Variants in ZNF487 observed in about 807,000 individuals in gnomAD.
ZNF487 encodes the protein KRAB domain only 1.
Under a neutral mutation model 3.0 loss-of-function variants are expected in ZNF487, and 4 were observed. The ratio of observed to expected loss-of-function variants is 1.35; its 90% CI spans 0.66 to 3.08. The LOEUF (loss-of-function observed/expected upper bound fraction) is 3.08. Ranked by LOEUF, ZNF487 falls within the 30% of genes most tolerant of loss-of-function variation. The probability of loss-of-function intolerance (pLI) is 0.01; values close to 1 mark genes in which losing one functional copy is unlikely to be tolerated. For synonymous variants in ZNF487, 55 were observed against 34.6 expected, an observed-to-expected ratio of 1.59 and a Z score of -2.06; for missense variants, 146 against 98.7, an observed-to-expected ratio of 1.48 and a Z score of -2.03.
intron 3 of ZNF487, among the ~76,000 whole-genome samples, chr10:43,477,493 C>T (rs902659442): frequency 3.3e-5 from 5 of 151,918 alleles, no homozygotes; most frequent in African/African-American, 1.2e-4. Flanking sequence ...CTGCGCCTGG[C>T]TTCTAAATTC....
intron 1 of ZNF487, among the ~76,000 whole-genome samples, chr10:43,444,145 G>T (rs1035726270): frequency 6.6e-6 from 1 of 152,098 alleles, no homozygotes; most frequent in African/African-American, 2.4e-5. Context: ...GAGCCACCGC[G>T]CCCGGCTCCT....
chr10:43,521,324 C>A, the ZNF487 span, among the ~76,000 whole-genome samples: 1 of 152,120 alleles, frequency 6.6e-6, no homozygotes, highest in South Asian at 2.1e-4. Context: ...GGCACTACAT[C>A]TCATGAATAA....
At chr10:43,468,572 G>A (rs187740675) in intron 1 of ZNF487, among the ~76,000 whole-genome samples, 9 of 151,452 alleles carry the variant, frequency 5.9e-5, no homozygotes, top group East Asian at 2.0e-4. Flanking sequence ...CCAACTACTC[G>A]GGAGGTTGAG....
chr10:43,491,603 A>C, the ZNF487 span, among the ~76,000 whole-genome samples: 1 of 151,808 alleles, frequency 6.6e-6, no homozygotes, highest in East Asian at 1.9e-4. Flanking sequence ...AGACCCCTCT[A>C]GCCCTTACCT....
chr10:43,473,528 C>CT (rs1302785120), intron 1 of ZNF487, among the ~76,000 whole-genome samples: 2 of 150,066 alleles, frequency 1.3e-5, no homozygotes, highest in Admixed American at 6.6e-5. Flanking sequence ...TCCCTTTTTT[C>CT]TTTTTTTTGA....
chr10:43,492,023 T>A, the ZNF487 span, among the ~76,000 whole-genome samples: 2 of 151,740 alleles, frequency 1.3e-5, no homozygotes, highest in Non-Finnish European at 2.9e-5. Context: ...AGCCTAGACC[T>A]CCTAGGCTCA....
At chr10:43,522,633 A>G in the ZNF487 span, among the ~76,000 whole-genome samples, 1 of 152,172 alleles carries the variant, frequency 6.6e-6, no homozygotes, top group East Asian at 1.9e-4. Context: ...ACTTGAGAGG[A>G]TGAGGCAGGA....
intron 1 of ZNF487, among the ~76,000 whole-genome samples, chr10:43,439,669 A>G (rs1230639128): frequency 1.3e-5 from 2 of 152,170 alleles, no homozygotes; most frequent in Non-Finnish European, 2.9e-5. Flanking sequence ...GCACCACTAC[A>G]CTCTAGCCTG....
At chr10:43,496,153 C>T in the ZNF487 span, 22 of 510,624 alleles carry the variant, frequency 4.3e-5, no homozygotes, top group East Asian at 1.1e-4. Context: ...GTAAGGATTG[C>T]GTTTTATATA....
intron 1 of ZNF487, among the ~76,000 whole-genome samples, chr10:43,471,738 A>G (rs1275712818): frequency 1.3e-5 from 2 of 152,186 alleles, no homozygotes; most frequent in African/African-American, 4.8e-5. Context: ...CTCTGAAGTC[A>G]AACTGTCTCC....
the ZNF487 span, among the ~76,000 whole-genome samples, chr10:43,502,370 T>C: frequency 4.6e-4 from 69 of 149,774 alleles, no homozygotes; most frequent in African/African-American, 1.7e-3. Context: ...CATCACACAC[T>C]GGGGCCTGTC....
intron 3 of ZNF487, among the ~76,000 whole-genome samples, chr10:43,479,323 T>G (rs1003975364): frequency 9.2e-5 from 14 of 152,140 alleles, no homozygotes; most frequent in African/African-American, 3.4e-4. Context: ...TTTGAGTGAA[T>G]TGGTCCCATT....
the ZNF487 span, among the ~76,000 whole-genome samples, chr10:43,495,799 A>AT: frequency 3.9e-5 from 6 of 152,156 alleles, no homozygotes; most frequent in South Asian, 2.1e-4. Flanking sequence ...GGAACTTTAG[A>AT]TTTTTTTCCC....
the ZNF487 span, among the ~76,000 whole-genome samples, chr10:43,501,315 C>T: frequency 1.3e-5 from 2 of 152,118 alleles, no homozygotes; most frequent in Non-Finnish European, 2.9e-5. Context: ...GTGTGAAGGC[C>T]TAGTACGTTA....
At chr10:43,483,597 A>G (rs985637342), downstream of ZNF487, among the ~76,000 whole-genome samples, 1 of 150,970 alleles carries the variant, frequency 6.6e-6, no homozygotes, top group African/African-American at 2.4e-5. Context: ...GCACAATCTC[A>G]GTTCACTGCA....
At chr10:43,516,467 A>G in the ZNF487 span, among the ~76,000 whole-genome samples, 1 of 152,172 alleles carries the variant, frequency 6.6e-6, no homozygotes, top group Non-Finnish European at 1.5e-5. Flanking sequence ...CTAATGGAAT[A>G]TGTGTATTTG....
the ZNF487 span, among the ~76,000 whole-genome samples, chr10:43,488,690 C>T: frequency 6.6e-6 from 1 of 152,102 alleles, no homozygotes; most frequent in Non-Finnish European, 1.5e-5. Context: ...ATATCCTCTC[C>T]ATGAAAGTAG....
chr10:43,518,267 A>G, the ZNF487 span, among the ~76,000 whole-genome samples: 3 of 152,192 alleles, frequency 2.0e-5, no homozygotes, highest in Admixed American at 2.0e-4. Context: ...AAGGCATTCA[A>G]TGAAAGTTCT....
intron 1 of ZNF487, chr10:43,452,883 G>C (rs1840056632): frequency 1.3e-5 from 2 of 152,110 alleles, no homozygotes; most frequent in African/African-American, 4.8e-5. Flanking sequence ...GTAGGGGAAA[G>C]AGCTGAGCTC....
Sources: gnomAD v4.1 joint callset for allele counts (sites outside exome capture counted in the v4.1 genomes callset) on GRCh38, gnomAD v4.1.1 for gene constraint, MANE v1.5 for transcripts, NCBI Gene and HGNC (gene_info 2026-07-23, HGNC 2026-07-21) for gene names.